Variants in KYNU observed in about 807,000 individuals in gnomAD.
KYNU encodes the protein kynureninase, also known as L-kynurenine hydrolase.
Under a neutral mutation model 59.2 loss-of-function variants are expected in KYNU, and 54 were observed. That is an observed-to-expected ratio of 0.91 (90% CI 0.73 to 1.14). The LOEUF (loss-of-function observed/expected upper bound fraction) is 1.14. KYNU is among the 50% of genes most tolerant of loss of function. KYNU has a pLI of 0.00. For missense variants in KYNU, 567 were observed against 554.4 expected, an observed-to-expected ratio of 1.02 and a Z score of -0.23; for synonymous variants, 177 against 192.0, an observed-to-expected ratio of 0.92 and a Z score of 0.65.
At chr2:143,007,157 G>A (rs1315703314) in intron 10 of KYNU, among the ~76,000 whole-genome samples, 2 of 151,364 alleles carry the variant, frequency 1.3e-5, no homozygotes, top group African/African-American at 2.4e-5. Context: ...TGAAAACTTC[G>A]AAAAAAATTT....
intron 2 of KYNU, among the ~76,000 whole-genome samples, chr2:142,912,142 AAGTCTGAT>A (rs1317650609): frequency 2.7e-4 from 41 of 152,098 alleles, no homozygotes; most frequent in African/African-American, 9.6e-4. Flanking sequence ...TCTTCTTTGT[AAGTCTGAT>A]AGAATTTGGC....
chr2:142,883,028 G>A (rs778623569), intron 1 of KYNU, among the ~76,000 whole-genome samples: 2 of 152,036 alleles, frequency 1.3e-5, no homozygotes, highest in Non-Finnish European at 2.9e-5. Flanking sequence ...CATTCTAACC[G>A]ACATGAGGTG....
intron 10 of KYNU, among the ~76,000 whole-genome samples, chr2:143,005,756 C>T (rs1422881142): frequency 6.6e-6 from 1 of 151,700 alleles, no homozygotes; most frequent in Non-Finnish European, 1.5e-5. Context: ...AAAGTAATGA[C>T]AAAAACCACA....
chr2:142,920,846 G>A (rs1213596450), intron 3 of KYNU, among the ~76,000 whole-genome samples: 3 of 152,070 alleles, frequency 2.0e-5, no homozygotes, highest in Non-Finnish European at 4.4e-5. Context: ...GTGGTGTTTG[G>A]GATGCCTGAT....
chr2:142,960,027 C>T (rs1684291557), intron 7 of KYNU, among the ~76,000 whole-genome samples: 1 of 152,122 alleles, frequency 6.6e-6, no homozygotes, highest in Non-Finnish European at 1.5e-5. Context: ...GCTGGGATTA[C>T]GGGCATGCAC....
intron 2 of KYNU, among the ~76,000 whole-genome samples, chr2:142,910,206 G>A (rs1487105910): frequency 1.8e-4 from 23 of 129,892 alleles, no homozygotes; most frequent in African/African-American, 8.9e-5. Context: ...GTGTGATCTC[G>A]GCTCATTGCA....
intron 8 of KYNU, among the ~76,000 whole-genome samples, chr2:142,961,655 T>G (rs1684354337): frequency 6.6e-6 from 1 of 152,162 alleles, no homozygotes; most frequent in Admixed American, 6.5e-5. Flanking sequence ...ATGAGAGCTT[T>G]TTTTCCTACC....
At chr2:142,994,427 G>T (rs1477833857) in intron 10 of KYNU, among the ~76,000 whole-genome samples, 5 of 152,020 alleles carry the variant, frequency 3.3e-5, no homozygotes, top group African/African-American at 7.2e-5. Flanking sequence ...GATTGGGTGG[G>T]AATTATTCTT....
intron 4 of KYNU, among the ~76,000 whole-genome samples, chr2:142,954,479 A>G (rs1317147625): frequency 6.6e-6 from 1 of 152,130 alleles, no homozygotes; most frequent in Non-Finnish European, 1.5e-5. Context: ...TACTTAGCAC[A>G]AAAATATGCT....
chr2:143,042,112 TG>T lies in KYNU; in HGVS notation c.1339del (p.Val447PhefsTer24), dbSNP rs1454593156. The T allele has an allele frequency of 2.5e-6, 4 of 1,610,952 alleles. No individual in the cohort carries two copies. Among genetic ancestry groups the T allele is most frequent in the Non-Finnish European group, 3.4e-6 (4 of 1,178,220 alleles). On this transcript the variant is annotated frameshift_variant, in exon 14 of 14. Transcript: ENST00000264170. LOFTEE classifies it high-confidence loss of function. ...PVPLYNSFHD[V>X]YKFTNLLTSI... The stretch of plus-strand genomic sequence containing the variant: ...TTCCTCTCTATAATTCTTTCCATGA[TG>T]TTTATAAATTTACCAATCTGCTCAC...
At chr2:142,951,391 C>A (rs1021264612) in intron 4 of KYNU, among the ~76,000 whole-genome samples, 1 of 151,886 alleles carries the variant, frequency 6.6e-6, no homozygotes, top group Non-Finnish European at 1.5e-5. Flanking sequence ...CTGTCTCTAC[C>A]AAAAATACAA....
At chr2:142,994,086 A>AT (rs1313710744) in intron 10 of KYNU, among the ~76,000 whole-genome samples, 5 of 151,398 alleles carry the variant, frequency 3.3e-5, no homozygotes, top group South Asian at 4.2e-4. Flanking sequence ...CAGGGACTTT[A>AT]TTTTTTTTTC....
chr2:143,029,419 C>T (rs979658086), intron 10 of KYNU, among the ~76,000 whole-genome samples: 3 of 152,142 alleles, frequency 2.0e-5, no homozygotes, highest in African/African-American at 7.2e-5. Context: ...AACCCTATCT[C>T]TACTAAAAAG....
At chr2:143,013,298 C>CTGTGTCTGTGTGTGTGTG (rs1686164891) in intron 10 of KYNU, among the ~76,000 whole-genome samples, 1 of 149,468 alleles carries the variant, frequency 6.7e-6, no homozygotes, top group Admixed American at 6.7e-5. Context: ...GTCTCTTTCT[C>CTGTGTCTGTGTGTGTGTG]TGTGTGTGTG....
At chr2:143,029,594 C>G (rs1261876862) in intron 10 of KYNU, 33 bp from the exon 11 acceptor site, 5 of 1,512,316 alleles carry the variant, frequency 3.3e-6, no homozygotes, top group Non-Finnish European at 4.6e-6. Context: ...CAAAAAAACC[C>G]CCAAAAACCT....
At chr2:142,883,511 T>C (rs986749383) in intron 1 of KYNU, among the ~76,000 whole-genome samples, 24 of 152,128 alleles carry the variant, frequency 1.6e-4, no homozygotes, top group African/African-American at 5.6e-4. Flanking sequence ...AATTTCTTTA[T>C]GACTACCTTC....
intron 3 of KYNU, among the ~76,000 whole-genome samples, chr2:142,921,854 ATAC>A (rs1403147077): frequency 1.4e-5 from 2 of 144,742 alleles, no homozygotes; most frequent in Non-Finnish European, 3.0e-5. Flanking sequence ...ACATACATAC[ATAC>A]ATGTAGTCTT....
intron 2 of KYNU, among the ~76,000 whole-genome samples, chr2:142,888,402 G>A (rs1302569432): frequency 1.3e-5 from 2 of 152,162 alleles, no homozygotes; most frequent in African/African-American, 4.8e-5. Flanking sequence ...AGGCTGCAGT[G>A]AGCCATGATC....
intron 11 of KYNU, among the ~76,000 whole-genome samples, chr2:143,032,029 G>A (rs1054519876): frequency 6.6e-6 from 1 of 152,152 alleles, no homozygotes; most frequent in Non-Finnish European, 1.5e-5. Flanking sequence ...TGTAATCCCA[G>A]CACTTTGGGA....
Sources: allele counts gnomAD v4.1 joint callset (sites outside exome capture counted in the v4.1 genomes callset), GRCh38; gene constraint gnomAD v4.1.1; transcripts MANE v1.5; gene names NCBI Gene and HGNC (gene_info 2026-07-23, HGNC 2026-07-21).